The following HHIPL2 variants were observed in gnomAD, a reference collection of about 807,000 sequenced individuals.
HHIPL2 encodes the protein HHIP like 2, also known as HHIP-like protein 2.
Under a neutral mutation model 61.0 loss-of-function variants are expected in HHIPL2, and 61 were observed. The observed-to-expected ratio is 1.00, with a 90% CI of 0.81 to 1.24. The LOEUF (loss-of-function observed/expected upper bound fraction) is 1.24. Among genes scored for constraint, HHIPL2 ranks in the 50% most tolerant of loss-of-function variants. The pLI, the probability that HHIPL2 is intolerant of heterozygous loss-of-function variation, is 0.00. For missense variants in HHIPL2, 885 were observed against 910.2 expected (o/e 0.97, Z 0.36); for synonymous variants, 343 against 357.4 (o/e 0.96, Z 0.45).
At chr1:222,525,374 A>C (rs975935948) in intron 7 of HHIPL2, 1 of 152,390 alleles carries the variant, frequency 6.6e-6, no homozygotes, top group Non-Finnish European at 1.5e-5. Flanking sequence ...CAGACCCAGC[A>C]GTGGGAACAG....
chr1:222,539,542 A>G (rs889239088), intron 4 of HHIPL2, among the ~76,000 whole-genome samples: 14 of 151,090 alleles, frequency 9.3e-5, no homozygotes, highest in South Asian at 2.1e-4. Context: ...AAAAAAAAAA[A>G]AAAAAAAGAA....
At chr1:222,523,033 A>G in intron 8 of HHIPL2, 146 bp from the exon 9 acceptor site, 1 of 654,780 alleles carries the variant, frequency 1.5e-6, no homozygotes, top group Non-Finnish European at 2.4e-6. Flanking sequence ...TAAATATATG[A>G]CTTTTTTAGA....
rs753325195 is a variant in HHIPL2, at chr1:222,543,958, G to A, written c.553C>T (p.Leu185=). ...PDKDYCFPNV[L]RNDYLNRHLG... ...TGGCGGTTGAGATAGTCGTTCCTCA[G>A]GACATTAGGGAAGCAATAGTCCTTG... The change falls in exon 2 of 9, where the codon CTG becomes TTG. Residue 185 remains leucine (L), a synonymous_variant. Coordinates refer to ENST00000343410, the MANE Select transcript of HHIPL2 (RefSeq NM_024746.4). The A allele has an allele frequency of 1.2e-6, 2 of 1,614,194 alleles. No homozygotes were observed. Among genetic ancestry groups the A allele is most frequent in the Admixed American group, 1.7e-5 (1 of 60,030 alleles).
At chr1:222,532,368 C>G (rs1452595078) in intron 5 of HHIPL2, among the ~76,000 whole-genome samples, 1 of 152,170 alleles carries the variant, frequency 6.6e-6, no homozygotes, top group Non-Finnish European at 1.5e-5. Flanking sequence ...AATCCCAGCA[C>G]TTTGGAGGAC....
In HHIPL2 at chr1:222,540,021, T is replaced by C. The variant is rs140791930; in HGVS notation, c.1439A>G (p.Asn480Ser). The C allele has an allele frequency of 1.7e-5, 28 of 1,613,524 alleles. No individual in the cohort carries two copies. In the African/African-American group the frequency reaches 2.8e-4, roughly 16 times the overall value. ...AGCTTCTTACTTACCCAAAGAGGCA[T>C]TGTGACAAAGTTTTTTGTCATAACA... ...FACYDKKLCH[N>S]ASLDDVLPIY... The change falls in exon 4 of 9, where the codon AAT becomes AGT. Residue 480 changes from asparagine to serine, a missense_variant. Physicochemically the swap from Asn to Ser is conservative, Grantham distance 46. Coordinates refer to ENST00000343410, the MANE Select transcript of HHIPL2 (RefSeq NM_024746.4).
chr1:222,546,963 C>G (rs1157147657), intron 1 of HHIPL2, among the ~76,000 whole-genome samples: 2 of 152,204 alleles, frequency 1.3e-5, no homozygotes, highest in Non-Finnish European at 2.9e-5. Context: ...TAGAGGGGTC[C>G]TCCCCAGGCA....
At chr1:222,542,508 T>TACC (rs2102621068) in intron 2 of HHIPL2, among the ~76,000 whole-genome samples, 1 of 141,908 alleles carries the variant, frequency 7.0e-6, no homozygotes, top group African/African-American at 2.6e-5. Context: ...TAGCTGGGAT[T>TACC]ACCACCCCAC....
intron 5 of HHIPL2, among the ~76,000 whole-genome samples, chr1:222,533,967 T>C (rs553637711): frequency 6.6e-6 from 1 of 152,156 alleles, no homozygotes; most frequent in African/African-American, 2.4e-5. Flanking sequence ...AGCAGATACA[T>C]GTGAGAAAAT....
At chr1:222,538,312 C>G (rs530956959) in intron 5 of HHIPL2, among the ~76,000 whole-genome samples, 2 of 149,978 alleles carry the variant, frequency 1.3e-5, no homozygotes, top group Non-Finnish European at 3.0e-5. Flanking sequence ...GGACGGGGGA[C>G]AGGCTGGAGA....
rs759332695 is a variant in HHIPL2, at chr1:222,544,047, C to T, written c.464G>A (p.Arg155His). 1 of 1,614,102 alleles carries T rather than the reference C, an allele frequency of 6.2e-7. No individual in the cohort carries two copies. Among genetic ancestry groups the T allele is most frequent in the Non-Finnish European group, 8.5e-7 (1 of 1,180,042 alleles). ...CCTTCCATGAGACTCCTGGAGGCCG[C>T]GGTCATTGGTCAGCAGGGAAATGGC... ...HSAISLLTND[R>H]GLQESHGRDG... The change falls in exon 2 of 9, where the codon CGC becomes CAC. Residue 155 changes from arginine (R) to histidine (H), a missense_variant. Transcript: ENST00000343410.
At chr1:222,535,389 T>G (rs1659280289) in intron 5 of HHIPL2, among the ~76,000 whole-genome samples, 1 of 152,206 alleles carries the variant, frequency 6.6e-6, no homozygotes, top group South Asian at 2.1e-4. Flanking sequence ...ATTGAGAGCA[T>G]TAGGAATGAT....
Position 222,526,997 on chromosome 1 carries a change from A to C in HHIPL2, c.1777T>G (p.Ser593Ala), listed in dbSNP as rs1342139777. 12 of 1,613,684 alleles carry C rather than the reference A, an allele frequency of 7.4e-6. No homozygotes were observed. Among genetic ancestry groups the C allele is most frequent in the Non-Finnish European group, 9.3e-6 (11 of 1,179,826 alleles). Residue 593 changes from serine to alanine, a missense_variant, in exon 7 of 9, where the codon TCT becomes GCT. Physicochemically the swap from Ser to Ala is moderately conservative, Grantham distance 99. Coordinates refer to ENST00000343410, the MANE Select transcript of HHIPL2 (RefSeq NM_024746.4). Reference protein sequence around the residue: ...SYPSAYAPRGSIYKFVDPSRR... With the variant: ...SYPSAYAPRGAIYKFVDPSRR... ...GAGGGGTCAACAAACTTGTAAATAGATCCACGTGGTGCATAGGCACTTGGG... is the reference window on the plus strand; with the variant it reads ...GAGGGGTCAACAAACTTGTAAATAGCTCCACGTGGTGCATAGGCACTTGGG...
At chr1:222,537,065 G>T (rs146513115) in intron 5 of HHIPL2, among the ~76,000 whole-genome samples, 171 of 151,930 alleles carry the variant, frequency 1.1e-3, no homozygotes, top group Admixed American at 2.7e-3. Context: ...AATAAGATAA[G>T]GCATTATGAC....
In HHIPL2 at chr1:222,538,764, C is replaced by G. The variant is rs1192387650; in HGVS notation, c.1461G>C (p.Leu487=). Residue 487 remains leucine (L), a synonymous_variant, in exon 5 of 9, where the codon CTG becomes CTC. Transcript: ENST00000343410. ...LCHNASLDDV[L]PIYAYGHAVG... ...CTGCATGGCCATAAGCATAGATTGG[C>G]AGAACATCATCTGTCCAGGAGAGAG... 6.2e-7 allele frequency: 1 copy of G among 1,614,044 alleles called. No homozygotes were observed. Among genetic ancestry groups the G allele is most frequent in the Non-Finnish European group, 8.5e-7 (1 of 1,179,992 alleles).
chr1:222,526,168 G>T (rs1319138187), intron 7 of HHIPL2, among the ~76,000 whole-genome samples: 1 of 152,098 alleles, frequency 6.6e-6, no homozygotes, highest in Non-Finnish European at 1.5e-5. Flanking sequence ...GTGGAGGTTG[G>T]TCAGCCTCTG....
At chr1:222,540,946 T>A (rs548330560) in intron 3 of HHIPL2, among the ~76,000 whole-genome samples, 2 of 152,304 alleles carry the variant, frequency 1.3e-5, no homozygotes, top group African/African-American at 2.4e-5. Context: ...CTATTCTTTT[T>A]AATATATTGG....
chr1:222,532,356 G>A (rs1201420304), intron 5 of HHIPL2, among the ~76,000 whole-genome samples: 1 of 152,312 alleles, frequency 6.6e-6, no homozygotes, highest in East Asian at 1.9e-4. Context: ...GCTCACACCT[G>A]TAATCCCAGC....
intron 1 of HHIPL2, among the ~76,000 whole-genome samples, chr1:222,546,239 A>G (rs1015560320): frequency 6.6e-6 from 1 of 152,138 alleles, no homozygotes; most frequent in Non-Finnish European, 1.5e-5. Flanking sequence ...GTGCTGCTGT[A>G]ACTATACTTT....
intron 3 of HHIPL2, 70 bp downstream of exon 3, chr1:222,541,942 C>CGT: frequency 6.7e-7 from 1 of 1,486,812 alleles, no homozygotes; most frequent in Non-Finnish European, 9.0e-7. Flanking sequence ...AGTTTGATGC[C>CGT]ATCCCTGCAA....
Sources: gnomAD v4.1 joint callset for allele counts (sites outside exome capture counted in the v4.1 genomes callset) on GRCh38, gnomAD v4.1.1 for gene constraint, MANE v1.5 for transcripts, NCBI Gene and HGNC (gene_info 2026-07-23, HGNC 2026-07-21) for gene names.